Variants in PTPRM observed in about 807,000 individuals in gnomAD.
The protein encoded by PTPRM is protein tyrosine phosphatase receptor type M.
In PTPRM, 47 loss-of-function variants were observed where a neutral mutation model predicts 186.7. That is an observed-to-expected ratio of 0.25 (90% confidence interval 0.20 to 0.32). The LOEUF is 0.32. PTPRM is among the 10% of genes least tolerant of loss of function. The probability of loss-of-function intolerance (pLI) is 1.00; values close to 1 mark genes in which losing one functional copy is unlikely to be tolerated. For synonymous variants in PTPRM, 668 were observed against 674.9 expected (o/e 0.99, Z 0.16); for missense variants, 1,494 against 1,865.0 (o/e 0.80, Z 3.66).
At chr18:7,579,410 A>G (rs2036785132) in intron 1 of PTPRM, among the ~76,000 whole-genome samples, 1 of 152,256 alleles carries the variant, frequency 6.6e-6, no homozygotes, top group Admixed American at 6.5e-5. Flanking sequence ...TATCACATCT[A>G]CTATGAGGAG....
At chr18:7,798,053 G>A (rs555856458) in intron 2 of PTPRM, among the ~76,000 whole-genome samples, 1 of 152,318 alleles carries the variant, frequency 6.6e-6, no homozygotes, top group East Asian at 1.9e-4. Context: ...GTCTGCTGGT[G>A]ATAGGTACCC....
chr18:8,068,854 C>T (rs1032275540), intron 7 of PTPRM, among the ~76,000 whole-genome samples: 2 of 152,070 alleles, frequency 1.3e-5, no homozygotes, highest in Non-Finnish European at 1.5e-5. Flanking sequence ...AGTCCCAGCA[C>T]TTTGGGAGGC....
intron 22 of PTPRM, among the ~76,000 whole-genome samples, chr18:8,334,876 G>A (rs1387189482): frequency 6.6e-6 from 1 of 152,042 alleles, no homozygotes. Flanking sequence ...TCAGCCCACC[G>A]TACCTTGCTC....
At chr18:8,182,451 AT>A (rs954935407) in intron 14 of PTPRM, among the ~76,000 whole-genome samples, 2 of 152,208 alleles carry the variant, frequency 1.3e-5, no homozygotes, top group African/African-American at 4.8e-5. Context: ...CATTTTAAAT[AT>A]TTTAAGCTAA....
At chr18:7,809,469 T>C (rs1428658506) in intron 2 of PTPRM, among the ~76,000 whole-genome samples, 1 of 151,988 alleles carries the variant, frequency 6.6e-6, no homozygotes. Flanking sequence ...ACCACCGCAC[T>C]CACACCCCTT....
chr18:8,335,693 T>C (rs756887041), intron 22 of PTPRM, among the ~76,000 whole-genome samples: 29 of 152,142 alleles, frequency 1.9e-4, no homozygotes, highest in Admixed American at 1.2e-3. Flanking sequence ...CCAAGAAAAT[T>C]TGGCTCTCCT....
chr18:8,242,136 A>G (rs1268840306), intron 14 of PTPRM, among the ~76,000 whole-genome samples: 2 of 152,180 alleles, frequency 1.3e-5, no homozygotes, highest in Non-Finnish European at 2.9e-5. Context: ...GAAAAGGCAA[A>G]GAGGAAAGCC....
chr18:7,619,208 A>G (rs899908372), intron 1 of PTPRM, among the ~76,000 whole-genome samples: 2 of 152,210 alleles, frequency 1.3e-5, no homozygotes, highest in Non-Finnish European at 2.9e-5. Flanking sequence ...TCAGGGTTGT[A>G]TGAATGTCTG....
intron 2 of PTPRM, among the ~76,000 whole-genome samples, chr18:7,845,831 T>A (rs529138403): frequency 6.6e-6 from 1 of 152,258 alleles, no homozygotes; most frequent in African/African-American, 2.4e-5. Context: ...AGGTGCAGAT[T>A]AGCATACAGG....
At chr18:7,795,878 GATTATAGCTCAC>G (rs2145273885) in intron 2 of PTPRM, among the ~76,000 whole-genome samples, 1 of 143,364 alleles carries the variant, frequency 7.0e-6, no homozygotes, top group South Asian at 2.2e-4. Flanking sequence ...TCAGTGGCAA[GATTATAGCTCAC>G]TGAACCTTGA....
At chr18:7,990,070 A>T (rs1423150312) in intron 7 of PTPRM, among the ~76,000 whole-genome samples, 1 of 152,012 alleles carries the variant, frequency 6.6e-6, no homozygotes, top group African/African-American at 2.4e-5. Context: ...CGCCTGGCTA[A>T]TTTTTGTATT....
intron 1 of PTPRM, among the ~76,000 whole-genome samples, chr18:7,598,618 G>A (rs1260391618): frequency 6.6e-6 from 1 of 152,144 alleles, no homozygotes; most frequent in Non-Finnish European, 1.5e-5. Context: ...CAGCTTTGCT[G>A]TATTAATAGT....
At chr18:8,252,351 A>G (rs986874400) in intron 17 of PTPRM, 137 bp from the exon 18 acceptor site, 4 of 746,966 alleles carry the variant, frequency 5.4e-6, no homozygotes, top group African/African-American at 1.7e-5. Context: ...CCCTCTGACC[A>G]CCTCTGAATA....
At chr18:7,629,762 A>G (rs184359832) in intron 1 of PTPRM, among the ~76,000 whole-genome samples, 38 of 151,620 alleles carry the variant, frequency 2.5e-4, no homozygotes, top group African/African-American at 8.4e-4. Context: ...GTGTGTGTGT[A>G]GTGTGTGTGT....
At chr18:7,949,882 G>A (rs1358720962) in intron 6 of PTPRM, among the ~76,000 whole-genome samples, 3 of 152,088 alleles carry the variant, frequency 2.0e-5, no homozygotes, top group Non-Finnish European at 2.9e-5. Context: ...TAAGAAGGTG[G>A]GGGATGAGGG....
At chr18:7,657,439 A>G (rs2038876712) in intron 1 of PTPRM, among the ~76,000 whole-genome samples, 2 of 152,236 alleles carry the variant, frequency 1.3e-5, no homozygotes, top group African/African-American at 4.8e-5. Flanking sequence ...TTGCCCGAGC[A>G]GTTGGTGCCA....
intron 14 of PTPRM, among the ~76,000 whole-genome samples, chr18:8,229,493 TA>T (rs2094257577): frequency 6.6e-6 from 1 of 152,200 alleles, no homozygotes; most frequent in African/African-American, 2.4e-5. Flanking sequence ...GTTCTGAAAA[TA>T]AAAATTATTT....
intron 1 of PTPRM, among the ~76,000 whole-genome samples, chr18:7,617,165 A>G (rs1317826400): frequency 6.6e-6 from 1 of 152,178 alleles, no homozygotes; most frequent in African/African-American, 2.4e-5. Flanking sequence ...ACCCATCCCC[A>G]TTATCAGTGG....
At chr18:7,656,165 T>C (rs1034088501) in intron 1 of PTPRM, among the ~76,000 whole-genome samples, 1 of 152,146 alleles carries the variant, frequency 6.6e-6, no homozygotes, top group African/African-American at 2.4e-5. Context: ...AGCCAAAAGG[T>C]AGAAGAAACC....
Sources: allele counts gnomAD v4.1 joint callset (sites outside exome capture counted in the v4.1 genomes callset), GRCh38; gene constraint gnomAD v4.1.1; transcripts MANE v1.5; gene names NCBI Gene and HGNC (gene_info 2026-07-23, HGNC 2026-07-21).